DCT: variants seen among roughly 807,000 people sequenced by gnomAD.
The protein encoded by DCT is dopachrome tautomerase, also known as L-dopachrome tautomerase.
DCT carries 47 observed loss-of-function variants against 53.0 expected under a neutral mutation model. That is an observed-to-expected ratio of 0.89 (90% CI 0.70 to 1.13). The LOEUF (loss-of-function observed/expected upper bound fraction) is 1.13, where lower values mean the gene tolerates loss of function less well. DCT is among the 50% of genes most tolerant of loss of function. The pLI is 0.00. For synonymous variants in DCT, 244 were observed against 237.0 expected (o/e 1.03, Z -0.27); for missense variants, 669 against 637.4 (o/e 1.05, Z -0.53).
Position 94,462,138 on chromosome 13 carries a change from A to G in DCT, c.915T>C (p.Gly305=). ...LVTLCNGTYE[G]LLRRNQMGRN... is the part of the protein sequence containing the mutation. ...TTCCCATTTGATTTCTTCTCAGCAAACCTTCATAGGTTCCATTGCACAAGG... is the reference window on the plus strand; with the variant it reads ...TTCCCATTTGATTTCTTCTCAGCAAGCCTTCATAGGTTCCATTGCACAAGG... Residue 305 remains glycine, a synonymous_variant, in exon 5 of 8, where the codon GGT becomes GGC. Transcript: ENST00000377028. The G allele has an allele frequency of 1.2e-6, 2 of 1,613,320 alleles. No individual in the cohort carries two copies.
chr13:94,440,008 C>T lies in DCT; in HGVS notation c.1450G>A (p.Val484Ile), dbSNP rs1360184660. 1 of 1,614,080 alleles carries T rather than the reference C, an allele frequency of 6.2e-7. No individual in the cohort carries two copies. The highest frequency in any genetic ancestry group is 8.5e-7 in the Non-Finnish European group (1 of 1,179,976). ...LVVMGTLVAL[V>I]GLFVLLAFLQ... Reference sequence around the variant, plus strand: ...AAAGCCAACAGCACAAAAAGACCAACCAAAGCCACCAGTGTTCCCATGACT... The same window carrying T: ...AAAGCCAACAGCACAAAAAGACCAATCAAAGCCACCAGTGTTCCCATGACT... Residue 484 changes from valine (V) to isoleucine (I), a missense_variant, in exon 8 of 8, where the codon GTT becomes ATT. Coordinates refer to ENST00000377028, the MANE Select transcript of DCT (RefSeq NM_001922.5).
At chr13:94,453,763 T>G (rs538719242) in intron 6 of DCT, among the ~76,000 whole-genome samples, 1 of 152,316 alleles carries the variant, frequency 6.6e-6, no homozygotes, top group Admixed American at 6.5e-5. Context: ...AGTTCTCTCT[T>G]GGCTGCCACC....
chr13:94,464,715 G>A (rs1011496261), intron 4 of DCT, among the ~76,000 whole-genome samples: 4 of 151,544 alleles, frequency 2.6e-5, no homozygotes, highest in African/African-American at 9.7e-5. Flanking sequence ...GGTGAGGTGA[G>A]GAGCCTCTTG....
At chr13:94,535,311 C>T in the DCT span, among the ~76,000 whole-genome samples, 1 of 152,152 alleles carries the variant, frequency 6.6e-6, no homozygotes, top group African/African-American at 2.4e-5. Flanking sequence ...GACTAGTCAC[C>T]TGCATGAGTT....
the DCT span, among the ~76,000 whole-genome samples, chr13:94,488,939 CTA>C: frequency 6.6e-6 from 1 of 151,912 alleles, no homozygotes; most frequent in Non-Finnish European, 1.5e-5. Flanking sequence ...TATGAACTCA[CTA>C]TGTTTATGCT....
At chr13:94,452,781 C>A in intron 6 of DCT, 2 of 508,116 alleles carry the variant, frequency 3.9e-6, no homozygotes, top group Non-Finnish European at 3.4e-6. Flanking sequence ...ATAAGAATGC[C>A]CTTCAGAACT....
chr13:94,466,839 A>G (rs534725946), intron 2 of DCT, 181 bp from the exon 3 acceptor site: 2 of 385,524 alleles, frequency 5.2e-6, no homozygotes, highest in African/African-American at 4.2e-5. Context: ...TTCAGAAGTA[A>G]CTAGTACTTT....
At chr13:94,522,059 A>G in the DCT span, among the ~76,000 whole-genome samples, 1 of 152,196 alleles carries the variant, frequency 6.6e-6, no homozygotes, top group Non-Finnish European at 1.5e-5. Context: ...ATGTTGTAGC[A>G]TGTATCAGGA....
chr13:94,544,013 C>T, the DCT span, among the ~76,000 whole-genome samples: 4 of 145,078 alleles, frequency 2.8e-5, no homozygotes, highest in Non-Finnish European at 4.5e-5. Context: ...CTGGCCTGGG[C>T]GACAGAGCAA....
the DCT span, among the ~76,000 whole-genome samples, chr13:94,511,363 T>TC: frequency 1.2e-4 from 13 of 106,038 alleles, no homozygotes; most frequent in Middle Eastern, 4.8e-3. Flanking sequence ...TCTCTCTCTC[T>TC]TTTTTTTTTT....
At chr13:94,500,910 T>C in the DCT span, among the ~76,000 whole-genome samples, 1 of 152,200 alleles carries the variant, frequency 6.6e-6, no homozygotes, top group Non-Finnish European at 1.5e-5. Context: ...CCATTAACAT[T>C]TGGTGACGAT....
the DCT span, among the ~76,000 whole-genome samples, chr13:94,545,065 A>C: frequency 6.6e-6 from 1 of 152,124 alleles, no homozygotes; most frequent in African/African-American, 2.4e-5. Context: ...CCTAAGTTAT[A>C]AAGTGTGATC....
At chr13:94,452,967 C>T (rs547951620) in intron 6 of DCT, among the ~76,000 whole-genome samples, 35 of 152,112 alleles carry the variant, frequency 2.3e-4, no homozygotes, top group African/African-American at 7.5e-4. Flanking sequence ...AGTGATAATA[C>T]GGACTTCATT....
At chr13:94,465,968 TTATATATATATATA>T (rs3044355) in intron 3 of DCT, among the ~76,000 whole-genome samples, 169 bp from the exon 4 acceptor site, 1,525 of 77,636 alleles carry the variant, frequency 0.02, 29 homozygotes, top group Admixed American at 0.028. Context: ...TGTGTATATT[TTATATATATATATA>T]TATATATATA....
chr13:94,472,878 T>G (rs1884839435), intron 1 of DCT, among the ~76,000 whole-genome samples: 1 of 151,962 alleles, frequency 6.6e-6, no homozygotes, highest in Admixed American at 6.6e-5. Flanking sequence ...CACCGCACCC[T>G]GCCGTGAGTT....
the DCT span, among the ~76,000 whole-genome samples, chr13:94,489,601 T>C: frequency 2.6e-5 from 4 of 152,236 alleles, no homozygotes; most frequent in African/African-American, 9.6e-5. Context: ...ACCACTGGTC[T>C]GACCCATTAT....
chr13:94,474,115 G>A lies in DCT; in HGVS notation c.295+4846C>T, dbSNP rs544671644. Among the ~76,000 whole-genome samples, 19 of 152,242 alleles carry A rather than the reference G, an allele frequency of 1.2e-4. No individual in the cohort carries two copies. In the South Asian group the frequency reaches 3.5e-3, roughly 28 times the overall value. ...GAAGAGAAGTGTTTTAGAAAGAACC[G>A]TGTTATCTTACTGGGAAATGGAGAG... On this transcript the variant is annotated intron_variant, in intron 1 of 7. Transcript: ENST00000377028.
the DCT span, among the ~76,000 whole-genome samples, chr13:94,518,365 A>G: frequency 2.0e-5 from 3 of 152,220 alleles, no homozygotes; most frequent in Admixed American, 2.0e-4. Context: ...TGTCAACTCA[A>G]CATGGAAGTC....
At chr13:94,441,157 T>C (rs1426661965) in intron 7 of DCT, among the ~76,000 whole-genome samples, 1 of 152,192 alleles carries the variant, frequency 6.6e-6, no homozygotes, top group Non-Finnish European at 1.5e-5. Context: ...TCCTGACCTG[T>C]CCTGATGGGA....
Sources: gnomAD v4.1 joint callset for allele counts (sites outside exome capture counted in the v4.1 genomes callset) on GRCh38, gnomAD v4.1.1 for gene constraint, MANE v1.5 for transcripts, NCBI Gene and HGNC (gene_info 2026-07-23, HGNC 2026-07-21) for gene names.